ZUP1: variants seen among roughly 807,000 people sequenced by gnomAD.
The protein encoded by ZUP1 is zinc finger containing ubiquitin peptidase 1.
A neutral mutation model predicts 68.1 loss-of-function variants in ZUP1; 55 were observed. The observed-to-expected ratio is 0.81, with a 90% CI of 0.65 to 1.01. The LOEUF (loss-of-function observed/expected upper bound fraction) is 1.01. Ranked by LOEUF, ZUP1 falls within the 50% of genes least tolerant of loss-of-function variation. The probability of loss-of-function intolerance (pLI) is 0.00; values close to 1 mark genes in which losing one functional copy is unlikely to be tolerated. For missense variants in ZUP1, 684 were observed against 674.9 expected, an observed-to-expected ratio of 1.01 and a Z score of -0.15; for synonymous variants, 223 against 221.5, an observed-to-expected ratio of 1.01 and a Z score of -0.06.
intron 3 of ZUP1, among the ~76,000 whole-genome samples, chr6:116,659,367 T>C (rs1181807350): frequency 1.3e-5 from 2 of 152,266 alleles, no homozygotes; most frequent in Non-Finnish European, 2.9e-5. Flanking sequence ...TAACCTCAGG[T>C]GATCCACCAG....
Position 116,645,854 on chromosome 6 carries a change from A to G in ZUP1, c.1549T>C (p.Ser517Pro), listed in dbSNP as rs1776285600. Residue 517 changes from serine (S) to proline (P), a missense_variant, in exon 9 of 10, where the codon TCT (serine) becomes CCT (proline). Coordinates refer to ENST00000368576, the MANE Select transcript of ZUP1 (RefSeq NM_145062.3). ...CLLILDPGCP[S>P]REMQKLLKQD... ...TTTAATAATTTCTGCATTTCTCGAG[A>G]AGGACATCCAGGATCAAGTATTAGT... 1 of 1,613,924 alleles carries G rather than the reference A, an allele frequency of 6.2e-7. No homozygotes were observed. Among genetic ancestry groups the G allele is most frequent in the Non-Finnish European group, 8.5e-7 (1 of 1,179,908 alleles).
chr6:116,652,851 CTA>C (rs1435046190), intron 5 of ZUP1, among the ~76,000 whole-genome samples: 3 of 152,000 alleles, frequency 2.0e-5, no homozygotes, highest in African/African-American at 7.2e-5. Flanking sequence ...TAGTTCTAAT[CTA>C]TGTTATATGA....
In ZUP1 at chr6:116,667,508, T is replaced by C. The variant is rs1777048258; in HGVS notation, c.-15-301A>G. 2.0e-5 allele frequency among the ~76,000 whole-genome samples: 3 copies of C among 152,032 alleles called. No homozygotes were observed. In the South Asian group the frequency reaches 6.2e-4, roughly 31 times the overall value. On this transcript the variant is annotated intron_variant, in intron 1 of 9. Coordinates refer to ENST00000368576, the MANE Select transcript of ZUP1 (RefSeq NM_145062.3). ...CGTTTAAAAAATTGTCCAGGTAAGA[T>C]AAATCAGGTAAGAAAAAAATGAAGA...
At chr6:116,665,996 G>C (rs1776997429) in intron 2 of ZUP1, among the ~76,000 whole-genome samples, 1 of 151,974 alleles carries the variant, frequency 6.6e-6, no homozygotes, top group Non-Finnish European at 1.5e-5. Context: ...TGACAGAGCT[G>C]AAAGGAAAAA....
In ZUP1 at chr6:116,639,680, C is replaced by T. The variant is rs371622463; in HGVS notation, c.1690-3801G>A. On this transcript the variant is annotated intron_variant, in intron 9 of 9. Coordinates refer to ENST00000368576, the MANE Select transcript of ZUP1 (RefSeq NM_145062.3). ...CAGAAAGGACATCCACACCAAAAAC[C>T]CATCTGTACATCACCATCATCAAAG... is the stretch of plus-strand genomic sequence containing the variant. Among the ~76,000 whole-genome samples, 11 of 152,250 alleles carry T rather than the reference C, an allele frequency of 7.2e-5. 1 individual carries two copies. In the South Asian group the frequency reaches 2.3e-3, roughly 32 times the overall value.
chr6:116,646,845 G>C (rs978197999), intron 8 of ZUP1, among the ~76,000 whole-genome samples: 43 of 152,250 alleles, frequency 2.8e-4, no homozygotes, highest in African/African-American at 1.0e-3. Context: ...GAAAGTGCTA[G>C]GATTACAGGC....
chr6:116,660,581 T>G (rs1776803724), intron 3 of ZUP1, among the ~76,000 whole-genome samples, 155 bp downstream of exon 3: 1 of 152,242 alleles, frequency 6.6e-6, no homozygotes, highest in South Asian at 2.1e-4. Flanking sequence ...TACTTCTAGC[T>G]GCTAAAGAAA....
intron 5 of ZUP1, among the ~76,000 whole-genome samples, chr6:116,654,118 C>G (rs1046937496): frequency 6.6e-6 from 1 of 151,908 alleles, no homozygotes; most frequent in East Asian, 1.9e-4. Flanking sequence ...TGCTTTTTTA[C>G]AGACATATTT....
intron 9 of ZUP1, among the ~76,000 whole-genome samples, chr6:116,642,923 T>C (rs1462347112): frequency 3.3e-5 from 5 of 152,212 alleles, no homozygotes; most frequent in Non-Finnish European, 7.3e-5. Context: ...GACATGATTG[T>C]ACATCTAGAA....
intron 9 of ZUP1, among the ~76,000 whole-genome samples, chr6:116,643,881 T>C (rs1407497051): frequency 6.6e-6 from 1 of 152,100 alleles, no homozygotes; most frequent in Admixed American, 6.6e-5. Context: ...CAAGAGAAAC[T>C]ACCATCAGAG....
Position 116,656,797 on chromosome 6 carries a change from A to G in ZUP1, c.848T>C (p.Met283Thr). The change falls in exon 5 of 10, where the codon ATG becomes ACG. Residue 283 changes from methionine to threonine, a missense_variant. By Grantham distance (81) the Met-to-Thr change is moderately conservative (BLOSUM62 -1). Transcript: ENST00000368576. ...TCTTCCCCTATTTACTTCTATCTCCATATTTCGTAGTTGTTGTTGTTTGTA... is the reference window on the plus strand; with the variant it reads ...TCTTCCCCTATTTACTTCTATCTCCGTATTTCGTAGTTGTTGTTGTTTGTA... Reference protein sequence around the residue: ...GGYKQQQLRNMEIEVNRGRMP... With the variant: ...GGYKQQQLRNTEIEVNRGRMP... 14 of 1,610,248 alleles carry G rather than the reference A, an allele frequency of 8.7e-6. No homozygotes were observed. The highest frequency in any genetic ancestry group is 2.2e-5 in the East Asian group (1 of 44,642).
intron 2 of ZUP1, among the ~76,000 whole-genome samples, chr6:116,665,088 G>T (rs1255820406): frequency 6.6e-6 from 1 of 151,744 alleles, no homozygotes; most frequent in Admixed American, 6.6e-5. Flanking sequence ...ACAGCTGAAG[G>T]ATTAGTATTG....
Position 116,645,946 on chromosome 6 carries a change from T to G in ZUP1, c.1469-12A>C. 1.3e-6 allele frequency: 2 copies of G among 1,594,980 alleles called. No individual in the cohort carries two copies. The highest frequency in any genetic ancestry group is 1.7e-6 in the Non-Finnish European group (2 of 1,166,806). ...AGTTCGACTGTGACCTATCAAAAGA[T>G]TTTTAAGTTATACATACGTCACATC... On this transcript the variant is annotated splice_polypyrimidine_tract_variant and intron_variant, in intron 8 of 9. Coordinates refer to ENST00000368576, the MANE Select transcript of ZUP1 (RefSeq NM_145062.3).
At chr6:116,639,952 C>T (rs7751057) in intron 9 of ZUP1, among the ~76,000 whole-genome samples, 55,170 of 151,868 alleles carry the variant, frequency 0.36, 10,652 homozygotes, top group African/African-American at 0.49. Flanking sequence ...AAAATTTAGA[C>T]GAATGTATAA....
chr6:116,654,123 A>G (rs1776594682), intron 5 of ZUP1, among the ~76,000 whole-genome samples: 1 of 151,960 alleles, frequency 6.6e-6, no homozygotes, highest in South Asian at 2.1e-4. Context: ...TTTTACAGAC[A>G]TATTTAATAT....
chr6:116,656,814 T>C lies in ZUP1; in HGVS notation c.831A>G (p.Gln277=), dbSNP rs1030408402. ...CTATCTCCATATTTCGTAGTTGTTG[T>C]TGTTTGTATCCTCCAGAATTATCTA... is the stretch of plus-strand genomic sequence containing the variant. The part of the protein sequence containing the change: ...YGLDNSGGYK[Q]QQLRNMEIEV... Residue 277 remains glutamine (Q), a synonymous_variant, in exon 5 of 10, where the codon CAA becomes CAG. Coordinates refer to ENST00000368576, the MANE Select transcript of ZUP1 (RefSeq NM_145062.3). 2 of 1,609,104 alleles carry C rather than the reference T, an allele frequency of 1.2e-6. No homozygotes were observed. The highest frequency in any genetic ancestry group is 1.7e-6 in the Non-Finnish European group (2 of 1,177,054).
intron 9 of ZUP1, among the ~76,000 whole-genome samples, chr6:116,642,915 C>T (rs1052592787): frequency 9.2e-5 from 14 of 152,180 alleles, no homozygotes; most frequent in Admixed American, 5.9e-4. Context: ...TTGCAGATGA[C>T]ATGATTGTAC....
intron 9 of ZUP1, among the ~76,000 whole-genome samples, chr6:116,641,658 C>T (rs1198631732): frequency 6.6e-6 from 1 of 152,082 alleles, no homozygotes; most frequent in Non-Finnish European, 1.5e-5. Context: ...AAAGACACAA[C>T]ATAACACAAT....
At chr6:116,663,826 A>C (rs1418149047) in intron 2 of ZUP1, among the ~76,000 whole-genome samples, 4 of 152,020 alleles carry the variant, frequency 2.6e-5, no homozygotes, top group Non-Finnish European at 5.9e-5. Context: ...GCAGGCCTGT[A>C]GTCCCAGCCC....
Sources: gnomAD v4.1 joint callset for allele counts (sites outside exome capture counted in the v4.1 genomes callset) on GRCh38, gnomAD v4.1.1 for gene constraint, MANE v1.5 for transcripts, NCBI Gene and HGNC (gene_info 2026-07-23, HGNC 2026-07-21) for gene names.